Variants in KHDRBS3 observed in about 807,000 individuals in gnomAD.
The protein encoded by KHDRBS3 is KH domain-containing, RNA-binding, signal transduction-associated protein 3.
In KHDRBS3, 23 loss-of-function variants were observed where a neutral mutation model predicts 45.6. The ratio of observed to expected loss-of-function variants is 0.50; its 90% confidence interval spans 0.36 to 0.72. KHDRBS3 has a LOEUF of 0.72. KHDRBS3 is among the 30% of genes least tolerant of loss of function. The pLI, the probability that KHDRBS3 is intolerant of heterozygous loss-of-function variation, is 0.00. For missense variants in KHDRBS3, 352 were observed against 424.8 expected, an observed-to-expected ratio of 0.83 and a Z score of 1.51; for synonymous variants, 162 against 156.5, an observed-to-expected ratio of 1.04 and a Z score of -0.26.
chr8:135,567,323 T>C (rs1399551332), intron 5 of KHDRBS3, among the ~76,000 whole-genome samples: 1 of 152,104 alleles, frequency 6.6e-6, no homozygotes, highest in Non-Finnish European at 1.5e-5. Context: ...GTGTAAGCAC[T>C]TCCTGAAGGC....
chr8:135,626,740 C>G (rs1236625945), intron 7 of KHDRBS3, among the ~76,000 whole-genome samples: 2 of 139,240 alleles, frequency 1.4e-5, no homozygotes, highest in Non-Finnish European at 3.0e-5. Context: ...GGAGGCGGAG[C>G]TTGCAGTGAG....
intron 2 of KHDRBS3, among the ~76,000 whole-genome samples, chr8:135,526,046 A>T (rs7829399): frequency 0.1 from 15,542 of 152,176 alleles, 885 homozygotes; most frequent in East Asian, 0.18. Context: ...TGCTTATAGT[A>T]CTTAGTACAG....
intron 7 of KHDRBS3, among the ~76,000 whole-genome samples, chr8:135,632,459 A>AC (rs1288308014): frequency 6.6e-6 from 1 of 151,904 alleles, no homozygotes; most frequent in East Asian, 2.0e-4. Flanking sequence ...GGTTTTAACG[A>AC]CCAAGAGCAA....
chr8:135,569,002 T>C (rs536954140), intron 5 of KHDRBS3, among the ~76,000 whole-genome samples: 2 of 152,354 alleles, frequency 1.3e-5, no homozygotes, highest in African/African-American at 2.4e-5. Flanking sequence ...TTTGTGTTTT[T>C]ATTCGTTTGT....
At chr8:135,494,804 C>T (rs1331482821) in intron 1 of KHDRBS3, among the ~76,000 whole-genome samples, 1 of 152,214 alleles carries the variant, frequency 6.6e-6, no homozygotes, top group East Asian at 1.9e-4. Flanking sequence ...TCGCCATTCT[C>T]TCACCCAGGT....
chr8:135,634,254 T>A (rs1638916667), intron 7 of KHDRBS3, among the ~76,000 whole-genome samples: 1 of 152,214 alleles, frequency 6.6e-6, no homozygotes, highest in South Asian at 2.1e-4. Flanking sequence ...GTGAAATTAT[T>A]TTTTAAGTTT....
intron 6 of KHDRBS3, among the ~76,000 whole-genome samples, chr8:135,601,459 T>G (rs995729637): frequency 1.3e-5 from 2 of 152,054 alleles, no homozygotes; most frequent in Non-Finnish European, 2.9e-5. Flanking sequence ...CCTTGAAAAA[T>G]TCACTAGACA....
At chr8:135,547,639 A>G (rs146471520) in intron 3 of KHDRBS3, among the ~76,000 whole-genome samples, 22 of 152,328 alleles carry the variant, frequency 1.4e-4, no homozygotes, top group East Asian at 9.6e-4. Context: ...GTCAAGGGCT[A>G]TGTGCCTCTA....
At chr8:135,527,554 A>G (rs1825255388) in intron 2 of KHDRBS3, among the ~76,000 whole-genome samples, 2 of 152,246 alleles carry the variant, frequency 1.3e-5, no homozygotes, top group Non-Finnish European at 2.9e-5. Flanking sequence ...GTAGAGAATG[A>G]CATTTGAACT....
intron 1 of KHDRBS3, among the ~76,000 whole-genome samples, chr8:135,462,542 A>G (rs143342524): frequency 3.3e-5 from 5 of 152,282 alleles, no homozygotes; most frequent in African/African-American, 9.6e-5. Context: ...TCCTTCAACT[A>G]TGCTGAAATA....
chr8:135,568,163 C>T (rs1055232423), intron 5 of KHDRBS3, among the ~76,000 whole-genome samples: 9 of 152,208 alleles, frequency 5.9e-5, no homozygotes, highest in Admixed American at 3.9e-4. Flanking sequence ...TATTAAAATA[C>T]TTTAATTCCT....
chr8:135,629,250 A>G (rs1830495413), intron 7 of KHDRBS3, among the ~76,000 whole-genome samples: 1 of 152,234 alleles, frequency 6.6e-6, no homozygotes, highest in Non-Finnish European at 1.5e-5. Context: ...ACTTAGTTAC[A>G]ATAGGGTTAA....
intron 1 of KHDRBS3, among the ~76,000 whole-genome samples, chr8:135,472,437 C>T (rs1449918540): frequency 1.3e-5 from 2 of 152,184 alleles, no homozygotes; most frequent in East Asian, 3.9e-4. Context: ...GGGCATTTAT[C>T]CTTGCTGGGT....
Position 135,550,915 on chromosome 8 carries a change from A to G in KHDRBS3, c.471+2015A>G, listed in dbSNP as rs561137338. Among the ~76,000 whole-genome samples, 12 of 152,258 alleles carry G rather than the reference A, an allele frequency of 7.9e-5. No individual in the cohort carries two copies. The South Asian group carries it at 1.7e-3, about 21-fold the overall frequency. On this transcript the variant is annotated intron_variant, in intron 4 of 8. Transcript: ENST00000355849. ...TTAAAATTTTTCTCAACAGTGTTTT[A>G]TAGTGTTCAGGGTGTCAGCCTTTTC...
At chr8:135,462,247 T>G (rs927835155) in intron 1 of KHDRBS3, among the ~76,000 whole-genome samples, 8 of 152,054 alleles carry the variant, frequency 5.3e-5, no homozygotes, top group African/African-American at 1.9e-4. Context: ...GTTTTTTTTT[T>G]TTTTTAAGAA....
chr8:135,509,965 T>TTC (rs1563731514), intron 1 of KHDRBS3, among the ~76,000 whole-genome samples: 1 of 140,602 alleles, frequency 7.1e-6, no homozygotes, highest in South Asian at 2.5e-4. Context: ...AAATTTTCTT[T>TTC]CCCCCCCCCT....
intron 6 of KHDRBS3, among the ~76,000 whole-genome samples, chr8:135,590,045 T>A (rs778242579): frequency 6.6e-5 from 10 of 152,206 alleles, no homozygotes; most frequent in Non-Finnish European, 1.3e-4. Context: ...TCCTGAGAAA[T>A]GCATCATTAG....
intron 4 of KHDRBS3, among the ~76,000 whole-genome samples, chr8:135,554,585 T>A (rs888172196): frequency 1.3e-5 from 2 of 152,196 alleles, no homozygotes; most frequent in Non-Finnish European, 2.9e-5. Context: ...AGGGAAATAA[T>A]TTATATTTAC....
chr8:135,487,538 C>T (rs1345874928), intron 1 of KHDRBS3, among the ~76,000 whole-genome samples: 2 of 152,124 alleles, frequency 1.3e-5, no homozygotes, highest in African/African-American at 4.8e-5. Flanking sequence ...CCATGGTGAT[C>T]CTATCATGGT....
Sources: allele counts gnomAD v4.1 joint callset (sites outside exome capture counted in the v4.1 genomes callset), GRCh38; gene constraint gnomAD v4.1.1; transcripts MANE v1.5; gene names NCBI Gene and HGNC (gene_info 2026-07-23, HGNC 2026-07-21).